IGF1R: variants seen among roughly 807,000 people sequenced by gnomAD.
IGF1R encodes insulin-like growth factor 1 receptor.
Under a neutral mutation model 144.6 loss-of-function variants are expected in IGF1R, and 44 were observed. The observed-to-expected ratio is 0.30, with a 90% CI of 0.24 to 0.39. The LOEUF is 0.39. Ranked by LOEUF, IGF1R falls within the 10% of genes least tolerant of loss-of-function variation. The pLI is 1.00. For missense variants in IGF1R, 1,355 were observed against 1,833.7 expected (o/e 0.74, Z 4.77); for synonymous variants, 795 against 722.8 (o/e 1.10, Z -1.60).
chr15:98,694,788 T>G (rs1319417251), intron 1 of IGF1R, among the ~76,000 whole-genome samples: 1 of 152,232 alleles, frequency 6.6e-6, no homozygotes, highest in African/African-American at 2.4e-5. Flanking sequence ...GCATCAGCAC[T>G]GAATAAAGAA....
In IGF1R at chr15:98,891,188, G is replaced by T. The variant is rs2013891073; in HGVS notation, c.641-137G>T. On this transcript the variant is annotated intron_variant, in intron 2 of 20. Transcript: ENST00000650285. This position sits in a 1 kb window ranked among gnomAD's most constrained non-coding sequence, Gnocchi z 4.7. Reference sequence around the variant, plus strand: ...GGTGGGGGTGAGGATTTCGTAGTGTGTTTTTGCATTGTCTCCTCAATGAGT... The same window carrying T: ...GGTGGGGGTGAGGATTTCGTAGTGTTTTTTTGCATTGTCTCCTCAATGAGT... 1.3e-6 allele frequency: 1 copy of T among 795,414 alleles called. No homozygotes were observed. Among genetic ancestry groups the T allele is most frequent in the Admixed American group, 2.0e-5 (1 of 50,146 alleles). The allele number at this position is 795,414 out of a possible 1,614,324, so 49.3% of individuals were successfully genotyped here.
At chr15:98,895,225 C>CACACACACAG (rs1465293358) in intron 3 of IGF1R, among the ~76,000 whole-genome samples, 726 of 6,972 alleles carry the variant, frequency 0.1, 3 homozygotes, top group African/African-American at 0.23. Context: ...CACAGCACCA[C>CACACACACAG]ACACACACAC....
At chr15:98,887,911 T>C (rs147336010) in intron 2 of IGF1R, among the ~76,000 whole-genome samples, 7 of 152,330 alleles carry the variant, frequency 4.6e-5, no homozygotes, top group African/African-American at 7.2e-5. Context: ...CCTAAAACTT[T>C]CCATGGTTTC....
rs868361969 is a variant in IGF1R at position 98,923,685 on chromosome 15, G to A, written c.2486-191G>A. 115 of 605,146 alleles carry A rather than the reference G, an allele frequency of 1.9e-4. No homozygotes were observed. In the African/African-American group the frequency reaches 2.0e-3, roughly 11 times the overall value. The allele number at this position is 605,146 out of a possible 1,614,324, so 37.5% of individuals were successfully genotyped here. Reference sequence around the variant, plus strand: ...GAACCCTCCGCTGTGTGAGCAGCCCGCTCAGGGGCAGTGTACGTGGCTGAT... The same window carrying A: ...GAACCCTCCGCTGTGTGAGCAGCCCACTCAGGGGCAGTGTACGTGGCTGAT... On this transcript the variant is annotated intron_variant, in intron 11 of 20. Coordinates refer to ENST00000650285, the MANE Select transcript of IGF1R (RefSeq NM_000875.5).
At chr15:98,685,530 C>G (rs2053304783) in intron 1 of IGF1R, among the ~76,000 whole-genome samples, 1 of 152,212 alleles carries the variant, frequency 6.6e-6, no homozygotes, top group Non-Finnish European at 1.5e-5. Flanking sequence ...TGTTAGCCAG[C>G]TGGGCACCTC....
chr15:98,669,882 A>G (rs2052844173), intron 1 of IGF1R, among the ~76,000 whole-genome samples: 1 of 152,182 alleles, frequency 6.6e-6, no homozygotes, highest in African/African-American at 2.4e-5. Context: ...CAGTGCACTG[A>G]TAAGAGCATG....
At chr15:98,947,415 A>C (rs1400457164) in intron 19 of IGF1R, among the ~76,000 whole-genome samples, 1 of 152,174 alleles carries the variant, frequency 6.6e-6, no homozygotes, top group Non-Finnish European at 1.5e-5. Flanking sequence ...AGGTTTTTCC[A>C]TGTGGCTTGA....
intron 2 of IGF1R, among the ~76,000 whole-genome samples, chr15:98,833,945 T>C (rs2057048230): frequency 6.6e-6 from 1 of 152,240 alleles, no homozygotes; most frequent in Non-Finnish European, 1.5e-5. Context: ...TGGTAATTAC[T>C]CGAATTACCC....
intron 7 of IGF1R, among the ~76,000 whole-genome samples, chr15:98,911,907 G>A (rs1354903399): frequency 3.3e-5 from 5 of 152,022 alleles, no homozygotes; most frequent in Admixed American, 6.6e-5. Flanking sequence ...CCAAGCTGTG[G>A]CCCTCTGCTC....
At chr15:98,869,792 C>A (rs925401358) in intron 2 of IGF1R, among the ~76,000 whole-genome samples, 1 of 152,184 alleles carries the variant, frequency 6.6e-6, no homozygotes, top group Non-Finnish European at 1.5e-5. Context: ...ATGTGCACAC[C>A]TGCCTCCCCC....
chr15:98,748,987 A>G (rs2054937395), intron 2 of IGF1R, among the ~76,000 whole-genome samples: 1 of 152,160 alleles, frequency 6.6e-6, no homozygotes, highest in Non-Finnish European at 1.5e-5. Flanking sequence ...TGCTGTGGTC[A>G]GGGTGGGAAT....
At chr15:98,774,696 T>TGGGGGGGGGGGGGGGGGGG (rs1267934810) in intron 2 of IGF1R, among the ~76,000 whole-genome samples, 1 of 24,524 alleles carries the variant, frequency 4.1e-5, no homozygotes, top group Non-Finnish European at 8.7e-5. Context: ...GGTGGGGGGG[T>TGGGGGGGGGGGGGGGGGGG]GGGGGGTGGT....
chr15:98,674,231 A>G (rs1201160797), intron 1 of IGF1R, among the ~76,000 whole-genome samples: 1 of 152,218 alleles, frequency 6.6e-6, no homozygotes, highest in Non-Finnish European at 1.5e-5. Flanking sequence ...GGCAAAAACT[A>G]CAGTGGTCAT....
intron 19 of IGF1R, among the ~76,000 whole-genome samples, chr15:98,945,643 C>T (rs565714088): frequency 1.3e-5 from 2 of 152,104 alleles, no homozygotes; most frequent in Non-Finnish European, 2.9e-5. Flanking sequence ...GGCTGTGTGG[C>T]CTTGGTTAAA....
rs914786509 is a variant in IGF1R, at chr15:98,891,871, C to G, written c.953+234C>G. On this transcript the variant is annotated intron_variant, in intron 3 of 20. Transcript: ENST00000650285. This position sits in a 1 kb window ranked among gnomAD's most constrained non-coding sequence, Gnocchi z 4.7. ...GTTTTATATTTTAAGTGCATACTGC[C>G]TGGCCATTTGAAATTAAGTACTTGC... is the stretch of plus-strand genomic sequence containing the variant. 6.6e-6 allele frequency among the ~76,000 whole-genome samples: 1 copy of G among 152,186 alleles called. No homozygotes were observed. The highest frequency in any genetic ancestry group is 6.5e-5 in the Admixed American group (1 of 15,272).
intron 1 of IGF1R, among the ~76,000 whole-genome samples, chr15:98,656,702 TCTCA>T (rs1236797311): frequency 6.6e-6 from 1 of 152,230 alleles, no homozygotes; most frequent in Non-Finnish European, 1.5e-5. Context: ...CTTTGTTTTA[TCTCA>T]CTCCTCAGTC....
In IGF1R at chr15:98,888,111, C is replaced by G. The variant is rs74378810; in HGVS notation, c.641-3214C>G. ...CTTTCCACTTTCAACTCCACAAAAC[C>G]GTCCTCGGCACCCAGAAGCCCAGGA... On this transcript the variant is annotated intron_variant, in intron 2 of 20. Coordinates refer to ENST00000650285, the MANE Select transcript of IGF1R (RefSeq NM_000875.5). 4.2e-3 allele frequency among the ~76,000 whole-genome samples: 641 copies of G among 152,268 alleles called. 5 individuals are homozygous for G. The highest frequency in any genetic ancestry group is 0.015 in the African/African-American group (610 of 41,544).
chr15:98,789,723 A>C (rs765946930), intron 2 of IGF1R, among the ~76,000 whole-genome samples: 1 of 152,182 alleles, frequency 6.6e-6, no homozygotes, highest in Admixed American at 6.5e-5. Flanking sequence ...AAGCAAACAA[A>C]ATAGGCTATA....
chr15:98,797,329 G>A (rs535994376), intron 2 of IGF1R, among the ~76,000 whole-genome samples: 35 of 152,236 alleles, frequency 2.3e-4, no homozygotes, highest in Non-Finnish European at 4.1e-4. Context: ...ATGACTGCTC[G>A]AAAGCCCACT....
Sources: gnomAD v4.1 joint callset for allele counts (sites outside exome capture counted in the v4.1 genomes callset) on GRCh38, gnomAD v4.1.1 for gene constraint, Gnocchi (gnomAD v3.1) non-coding constraint, MANE v1.5 for transcripts, NCBI Gene and HGNC (gene_info 2026-07-23, HGNC 2026-07-21) for gene names.